The following ASTN1 variants were observed in gnomAD, a reference collection of about 807,000 sequenced individuals.
ASTN1 encodes astrotactin-1.
A neutral mutation model predicts 140.7 loss-of-function variants in ASTN1; 41 were observed. The ratio of observed to expected loss-of-function variants is 0.29; its 90% CI spans 0.23 to 0.38. ASTN1 has a LOEUF of 0.38. ASTN1 is among the 10% of genes least tolerant of loss of function. The pLI is 1.00. For missense variants in ASTN1, 1,479 were observed against 1,678.8 expected (o/e 0.88, Z 2.08); for synonymous variants, 640 against 652.2 (o/e 0.98, Z 0.29).
At chr1:177,069,049 G>A (rs1223920142) in intron 1 of ASTN1, among the ~76,000 whole-genome samples, 5 of 151,878 alleles carry the variant, frequency 3.3e-5, no homozygotes, top group African/African-American at 7.2e-5. Flanking sequence ...ACAATATCCC[G>A]GCTCAAGCAA....
chr1:177,037,482 C>G (rs1676776591), intron 2 of ASTN1, among the ~76,000 whole-genome samples: 1 of 152,326 alleles, frequency 6.6e-6, no homozygotes, highest in African/African-American at 2.4e-5. Flanking sequence ...TTCACATGCA[C>G]ATGTCTTGCT....
chr1:177,064,397 A>C (rs1678245793), intron 1 of ASTN1, among the ~76,000 whole-genome samples: 2 of 152,226 alleles, frequency 1.3e-5, no homozygotes, highest in African/African-American at 4.8e-5. Flanking sequence ...GTGCAGCCAC[A>C]GTCTAATCCC....
chr1:176,872,909 C>T (rs1369592593), intron 21 of ASTN1, among the ~76,000 whole-genome samples: 2 of 152,158 alleles, frequency 1.3e-5, no homozygotes, highest in South Asian at 2.1e-4. Flanking sequence ...CTCCATAACA[C>T]GTATCGCCAT....
rs188734773 is a variant in ASTN1 at position 177,007,508 on chromosome 1, C to T, written c.1523+7283G>A. Among the ~76,000 whole-genome samples, 436 of 152,292 alleles carry T rather than the reference C, an allele frequency of 2.9e-3. 2 individuals carry two copies. The highest frequency in any genetic ancestry group is 4.4e-3 in the Non-Finnish European group (302 of 68,030). On this transcript the variant is annotated intron_variant, in intron 8 of 22. Transcript: ENST00000361833. ...CTGATAAAAGGATGCCTTCTCGAGG[C>T]GTCTGGAGACTCCATGTCTTGCTTA...
At chr1:177,061,866 T>C (rs1678114552) in intron 1 of ASTN1, among the ~76,000 whole-genome samples, 1 of 152,204 alleles carries the variant, frequency 6.6e-6, no homozygotes, top group South Asian at 2.1e-4. Flanking sequence ...TAATTCCTTT[T>C]AATTTTGTTT....
chr1:177,057,288 C>A (rs1051255759), intron 2 of ASTN1, among the ~76,000 whole-genome samples: 2 of 152,196 alleles, frequency 1.3e-5, no homozygotes, highest in Non-Finnish European at 2.9e-5. Flanking sequence ...CACAATTTTG[C>A]TGATGGTCGA....
intron 8 of ASTN1, among the ~76,000 whole-genome samples, chr1:176,978,541 C>A (rs1442973807): frequency 6.6e-6 from 1 of 152,056 alleles, no homozygotes; most frequent in African/African-American, 2.4e-5. Context: ...TGTAAGATGG[C>A]CTCAGAGTTT....
intron 2 of ASTN1, among the ~76,000 whole-genome samples, chr1:177,049,435 T>A (rs979227325): frequency 3.9e-5 from 6 of 152,326 alleles, no homozygotes; most frequent in Non-Finnish European, 2.9e-5. Flanking sequence ...TAAATAAAAA[T>A]ATTCAGATAA....
At chr1:177,071,984 C>G (rs1256042818) in intron 1 of ASTN1, among the ~76,000 whole-genome samples, 1 of 152,164 alleles carries the variant, frequency 6.6e-6, no homozygotes, top group Non-Finnish European at 1.5e-5. Context: ...TTCATCATTT[C>G]TGTGTGGTAG....
chr1:176,973,650 ACCT>A (rs1034425440), intron 8 of ASTN1, among the ~76,000 whole-genome samples: 1 of 151,830 alleles, frequency 6.6e-6, no homozygotes, highest in Non-Finnish European at 1.5e-5. Context: ...AACCTCTGAC[ACCT>A]CCTCCCCAAT....
chr1:177,108,512 G>T (rs1680661631), intron 1 of ASTN1, among the ~76,000 whole-genome samples: 1 of 152,018 alleles, frequency 6.6e-6, no homozygotes, highest in Non-Finnish European at 1.5e-5. Flanking sequence ...TCTCCATAGT[G>T]TAACATGTGT....
chr1:176,996,287 T>TCACACACA (rs35261045), intron 8 of ASTN1, among the ~76,000 whole-genome samples: 1 of 138,028 alleles, frequency 7.2e-6, no homozygotes, highest in Non-Finnish European at 1.6e-5. Flanking sequence ...TCTCTCTCTC[T>TCACACACA]CTCACACACA....
chr1:177,152,024 G>A (rs570919142), intron 1 of ASTN1, among the ~76,000 whole-genome samples: 4 of 152,206 alleles, frequency 2.6e-5, no homozygotes, highest in South Asian at 4.2e-4. Flanking sequence ...GACAGGAGAG[G>A]GCATATGGGA....
chr1:177,077,922 G>T (rs755417755), intron 1 of ASTN1, among the ~76,000 whole-genome samples: 5 of 152,132 alleles, frequency 3.3e-5, no homozygotes, highest in Non-Finnish European at 7.3e-5. Flanking sequence ...ATTCTCACTC[G>T]TAGGAATGTG....
intron 16 of ASTN1, among the ~76,000 whole-genome samples, chr1:176,921,423 G>T (rs932118331): frequency 1.8e-4 from 28 of 152,116 alleles, no homozygotes; most frequent in Admixed American, 1.8e-3. Flanking sequence ...TGTGCCTTTT[G>T]TTTCAGTTTA....
chr1:177,145,712 C>T (rs1479097473), intron 1 of ASTN1, among the ~76,000 whole-genome samples: 2 of 152,206 alleles, frequency 1.3e-5, no homozygotes, highest in Non-Finnish European at 2.9e-5. Context: ...ATTTATTAAA[C>T]ACTGAATATC....
chr1:177,063,230 C>T (rs943633910), intron 1 of ASTN1, among the ~76,000 whole-genome samples: 6 of 152,182 alleles, frequency 3.9e-5, no homozygotes, highest in African/African-American at 1.4e-4. Flanking sequence ...TCTTGTCCTA[C>T]CATCCCACAG....
intron 8 of ASTN1, among the ~76,000 whole-genome samples, chr1:176,980,139 G>A (rs1349428651): frequency 6.6e-6 from 1 of 152,140 alleles, no homozygotes; most frequent in Non-Finnish European, 1.5e-5. Flanking sequence ...GCAAAGATTG[G>A]AGAAATTGAG....
chr1:177,164,284 GA>G, intron 1 of ASTN1, 109 bp downstream of exon 1: 3 of 1,182,214 alleles, frequency 2.5e-6, no homozygotes, highest in Non-Finnish European at 3.5e-6. Flanking sequence ...CGGGAGGTAG[GA>G]GTGGGGGAGG....
Sources: gnomAD v4.1 joint callset for allele counts (sites outside exome capture counted in the v4.1 genomes callset) on GRCh38, gnomAD v4.1.1 for gene constraint, MANE v1.5 for transcripts, NCBI Gene and HGNC (gene_info 2026-07-23, HGNC 2026-07-21) for gene names.